Variants in AGO3 observed in about 807,000 individuals in gnomAD.
The protein encoded by AGO3 is argonaute RISC catalytic component 3.
AGO3 carries 16 observed loss-of-function variants against 105.5 expected under a neutral mutation model. The observed-to-expected ratio is 0.15, with a 90% CI of 0.10 to 0.23. The LOEUF (loss-of-function observed/expected upper bound fraction) is 0.23. Ranked by LOEUF, AGO3 falls within the 10% of genes least tolerant of loss-of-function variation. AGO3 has a pLI of 1.00. For missense variants in AGO3, 534 were observed against 1,088.0 expected (o/e 0.49, Z 7.16); for synonymous variants, 340 against 367.3 (o/e 0.93, Z 0.85).
intron 3 of AGO3, among the ~76,000 whole-genome samples, 196 bp from the exon 4 acceptor site, chr1:35,971,828 G>A (rs1274411895): frequency 6.6e-6 from 1 of 151,752 alleles, no homozygotes; most frequent in East Asian, 1.9e-4. Flanking sequence ...GTAGTTTCCA[G>A]TATTTTGCAA....
intron 2 of AGO3, among the ~76,000 whole-genome samples, chr1:35,962,359 C>T (rs1362962103): frequency 2.0e-5 from 3 of 151,856 alleles, no homozygotes; most frequent in Admixed American, 6.6e-5. Context: ...CTGGCTAACA[C>T]GGTGAAACCC....
At chr1:35,944,138 T>C (rs1386459426) in intron 1 of AGO3, among the ~76,000 whole-genome samples, 1 of 152,188 alleles carries the variant, frequency 6.6e-6, no homozygotes, top group Non-Finnish European at 1.5e-5. Flanking sequence ...GGCAATTCTG[T>C]TTTTCATTTT....
At chr1:35,931,481 AC>A in intron 1 of AGO3, 36 bp downstream of exon 1, 1 of 1,452,570 alleles carries the variant, frequency 6.9e-7, no homozygotes. Flanking sequence ...AGGGGATGTC[AC>A]CCAGCTACTG....
At chr1:35,933,893 C>A (rs1646101123) in intron 1 of AGO3, among the ~76,000 whole-genome samples, 1 of 151,862 alleles carries the variant, frequency 6.6e-6, no homozygotes, top group Non-Finnish European at 1.5e-5. Context: ...ACCTCGAACA[C>A]AAATACCATA....
rs902763260 is a variant in AGO3, at chr1:36,061,678, G to A, written c.*5933G>A. On this transcript the variant is annotated 3_prime_UTR_variant, in exon 19 of 19. Transcript: ENST00000373191. ...ACCAGAATCTAATGTATCTATGTTA[G>A]GGTCTCAGTAAAGCAAAGACGTTTG... is the stretch of plus-strand genomic sequence containing the variant. The A allele has an allele frequency of 6.6e-6, 1 of 152,112 alleles. No individual in the cohort carries two copies. Among genetic ancestry groups the A allele is most frequent in the Non-Finnish European group, 1.5e-5 (1 of 68,020 alleles). The allele number at this position is 152,112 out of a possible 1,614,324, so 9.4% of individuals were successfully genotyped here. A position where few individuals can be genotyped will look rare whatever the true frequency, so the allele number is the denominator to read the frequency against.
In AGO3 at chr1:36,053,745, A is replaced by ATTTT. The variant is rs71034711; in HGVS notation, c.2275-1180_2275-1177dup. 4.5e-3 allele frequency among the ~76,000 whole-genome samples: 362 copies of ATTTT among 81,280 alleles called. 11 individuals are homozygous for ATTTT. Among genetic ancestry groups the ATTTT allele is most frequent in the African/African-American group, 0.016 (328 of 20,928 alleles). The allele number at this position is 81,280 out of a possible 152,430, so 53.3% of individuals were successfully genotyped here. A position where few individuals can be genotyped will look rare whatever the true frequency, so the allele number is the denominator to read the frequency against. Reference sequence around the variant, plus strand: ...AGGTCCACACCACCACACCTGGCTAATTTTTTTTTTTTTTTTTTTTTTTTG... The same window carrying ATTTT: ...AGGTCCACACCACCACACCTGGCTAATTTTTTTTTTTTTTTTTTTTTTTTTTTTG... On this transcript the variant is annotated intron_variant, in intron 17 of 18. Coordinates refer to ENST00000373191, the MANE Select transcript of AGO3 (RefSeq NM_024852.4).
At chr1:36,014,163 A>G in intron 11 of AGO3, 115 bp downstream of exon 11, 4 of 1,145,746 alleles carry the variant, frequency 3.5e-6, no homozygotes, top group Non-Finnish European at 4.8e-6. Context: ...TCACTGAACC[A>G]TTTTTTTTTT....
At chr1:36,044,369 T>C (rs201681865) in intron 17 of AGO3, among the ~76,000 whole-genome samples, 4 of 152,090 alleles carry the variant, frequency 2.6e-5, no homozygotes, top group South Asian at 4.2e-4. Flanking sequence ...AAAAATTTAA[T>C]TGTAGAATTA....
chr1:36,016,176 G>C (rs1041781580), intron 11 of AGO3, among the ~76,000 whole-genome samples: 9 of 152,026 alleles, frequency 5.9e-5, no homozygotes, highest in African/African-American at 2.2e-4. Flanking sequence ...ATCCAGTTAG[G>C]TTACAGTTTT....
At chr1:35,944,676 T>C (rs1407672095) in intron 1 of AGO3, among the ~76,000 whole-genome samples, 1 of 151,624 alleles carries the variant, frequency 6.6e-6, no homozygotes, top group Non-Finnish European at 1.5e-5. Context: ...AATTTTTGTA[T>C]TTTTTTAAAT....
intron 2 of AGO3, among the ~76,000 whole-genome samples, chr1:35,959,612 G>C (rs1227742515): frequency 1.3e-5 from 2 of 152,134 alleles, no homozygotes; most frequent in East Asian, 1.9e-4. Context: ...CTAAGAACTT[G>C]TTTAACAATA....
At chr1:36,042,814 A>G (rs1032264120) in intron 16 of AGO3, among the ~76,000 whole-genome samples, 5 of 152,226 alleles carry the variant, frequency 3.3e-5, no homozygotes, top group African/African-American at 1.2e-4. Context: ...AGTATGAAAT[A>G]AAAGGAATAA....
chr1:35,958,561 T>C (rs1646617519), intron 2 of AGO3, among the ~76,000 whole-genome samples: 1 of 151,090 alleles, frequency 6.6e-6, no homozygotes, highest in Non-Finnish European at 1.5e-5. Context: ...CTCGGGAGGT[T>C]GAGACAGGAG....
intron 14 of AGO3, 55 bp downstream of exon 14, chr1:36,036,322 G>A: frequency 1.3e-6 from 2 of 1,505,204 alleles, no homozygotes; most frequent in Non-Finnish European, 1.8e-6. Flanking sequence ...TATCAATTTT[G>A]CAGTTTCAAC....
chr1:36,029,612 G>A (rs1489913956), intron 12 of AGO3, among the ~76,000 whole-genome samples: 1 of 151,438 alleles, frequency 6.6e-6, no homozygotes, highest in African/African-American at 2.4e-5. Flanking sequence ...TAGCCAGGAT[G>A]GTCTCAATCT....
At position 36,002,254 on chromosome 1, in the gene AGO3, G is replaced by T. The variant is rs527846676; in HGVS notation, c.659-2087G>T. Among the ~76,000 whole-genome samples the T allele has an allele frequency of 2.0e-5, 3 of 150,838 alleles. No individual in the cohort carries two copies. The South Asian group carries it at 6.3e-4, about 32-fold the overall frequency. On this transcript the variant is annotated intron_variant, in intron 5 of 18. Coordinates refer to ENST00000373191, the MANE Select transcript of AGO3 (RefSeq NM_024852.4). ...CAGGCTGATCTTGAACTAATTTCAA[G>T]TGATCAATGCACCTTGGGCTCCCAA...
chr1:35,946,146 C>A (rs1415681196), intron 2 of AGO3, among the ~76,000 whole-genome samples: 3 of 152,168 alleles, frequency 2.0e-5, no homozygotes, highest in African/African-American at 4.8e-5. Flanking sequence ...ATGAGCACAT[C>A]ATTTTCCTTG....
chr1:35,998,619 G>A (rs956489732), intron 5 of AGO3, among the ~76,000 whole-genome samples: 1 of 151,896 alleles, frequency 6.6e-6, no homozygotes, highest in East Asian at 1.9e-4. Flanking sequence ...GGTTGATATT[G>A]TTTTAGTATA....
At chr1:35,969,763 A>G (rs956131440) in intron 3 of AGO3, among the ~76,000 whole-genome samples, 2 of 152,352 alleles carry the variant, frequency 1.3e-5, no homozygotes, top group Admixed American at 1.3e-4. Flanking sequence ...TACTACACAC[A>G]TACACCATAT....
Sources: gnomAD v4.1 joint callset for allele counts (sites outside exome capture counted in the v4.1 genomes callset) on GRCh38, gnomAD v4.1.1 for gene constraint, MANE v1.5 for transcripts, NCBI Gene and HGNC (gene_info 2026-07-23, HGNC 2026-07-21) for gene names.